The following PLAGL1 variants were observed in gnomAD, a reference collection of about 807,000 sequenced individuals.
The protein encoded by PLAGL1 is PLAG1 like zinc finger 1, also known as zinc finger protein PLAGL1.
In PLAGL1, 1 loss-of-function variant was observed where a neutral mutation model predicts 4.6. The observed-to-expected ratio is 0.22, with a 90% CI of 0.08 to 1.03. The LOEUF (loss-of-function observed/expected upper bound fraction) is 1.03, where lower values mean the gene tolerates loss of function less well. Ranked by LOEUF, PLAGL1 falls within the 50% of genes least tolerant of loss-of-function variation. PLAGL1 has a pLI of 0.58. For synonymous variants in PLAGL1, 240 were observed against 237.8 expected (o/e 1.01, Z -0.08); for missense variants, 464 against 570.4 (o/e 0.81, Z 1.90).
rs1380067948 is a variant in PLAGL1, at chr6:143,948,264, A to C, written c.-128T>G. The C allele has an allele frequency of 1.3e-6, 1 of 790,318 alleles. No individual in the cohort carries two copies. The highest frequency in any genetic ancestry group is 2.1e-6 in the Non-Finnish European group (1 of 482,870). 49.0% of individuals were successfully genotyped at this position (790,318 alleles called of 1,614,324 possible). ...GCAGCTGAACTCCAGACCACGGGAGAGGCAGCATCGTGGGCCTGGTTCTAC... is the reference window on the plus strand; with the variant it reads ...GCAGCTGAACTCCAGACCACGGGAGCGGCAGCATCGTGGGCCTGGTTCTAC... On this transcript the variant is annotated 5_prime_UTR_variant, in exon 7 of 8. Transcript: ENST00000674357. This position sits in a 1 kb window ranked among gnomAD's most constrained non-coding sequence, Gnocchi z 6.0.
intron 1 of PLAGL1, among the ~76,000 whole-genome samples, chr6:144,030,396 C>T (rs1796724117): frequency 6.7e-6 from 1 of 150,230 alleles, no homozygotes; most frequent in Admixed American, 6.6e-5. Context: ...TGTTTGGTTG[C>T]ATGAATAAAT....
Position 143,942,090 on chromosome 6 carries a change from G to C in PLAGL1, c.726C>G (p.Phe242Leu). ...CGTTCTGGGCAGAAGCTCCTAAAGG[G>C]AAAGGAGGCAAGGCAGCAGCCTTCA... is the stretch of plus-strand genomic sequence containing the variant. ...FQLKAAALPPFPLGASAQNGL... is the reference protein window; with the variant it reads ...FQLKAAALPPLPLGASAQNGL... The change falls in exon 8 of 8, where the codon TTC becomes TTG. Residue 242 changes from phenylalanine to leucine, a missense_variant. Physicochemically the swap from Phe to Leu is conservative, Grantham distance 22. Around this residue, in one of 4 missense-constraint regions of PLAGL1, gnomAD observed 248 missense variants for 250.1 expected, o/e 0.99. Coordinates refer to ENST00000674357, the MANE Select transcript of PLAGL1 (RefSeq NM_001317162.2). This position sits in a 1 kb window ranked among gnomAD's most constrained non-coding sequence, Gnocchi z 7.6. 6.2e-7 allele frequency: 1 copy of C among 1,614,110 alleles called. No homozygotes were observed. The highest frequency in any genetic ancestry group is 1.1e-5 in the South Asian group (1 of 91,068).
Position 143,962,532 on chromosome 6 carries a change from C to T in PLAGL1, c.-398-1990G>A, listed in dbSNP as rs905442617. 2.0e-5 allele frequency among the ~76,000 whole-genome samples: 3 copies of T among 152,114 alleles called. No homozygotes were observed. Among genetic ancestry groups the T allele is most frequent in the South Asian group, 2.1e-4 (1 of 4,830 alleles). ...ATATTTTTTGGAAAGTTTGTTTATT[C>T]GTTGATGACAAAAACCAAAGTTTCA... On this transcript the variant is annotated intron_variant, in intron 5 of 7. Coordinates refer to ENST00000674357, the MANE Select transcript of PLAGL1 (RefSeq NM_001317162.2). This position sits in a 1 kb window ranked among gnomAD's most constrained non-coding sequence, Gnocchi z 5.3.
At position 143,975,277 on chromosome 6, in the gene PLAGL1, T is replaced by A. The variant is rs1786266608; in HGVS notation, c.-543-6299A>T. ...TTTTGAGGCCAATGGGTTGTACCACTTCCATTCAATGAGGTAGTTGCTTAA... is the reference window on the plus strand; with the variant it reads ...TTTTGAGGCCAATGGGTTGTACCACATCCATTCAATGAGGTAGTTGCTTAA... On this transcript the variant is annotated intron_variant, in intron 2 of 7. Transcript: ENST00000674357. The surrounding 1 kb of genome is among the most constrained non-coding windows in gnomAD (Gnocchi z 5.8). Among the ~76,000 whole-genome samples the A allele has an allele frequency of 6.6e-6, 1 of 152,232 alleles. No homozygotes were observed. Among genetic ancestry groups the A allele is most frequent in the Admixed American group, 6.5e-5 (1 of 15,280 alleles).
chr6:143,943,031 A>ATTTTTTTTCTTTTTTTT (rs1778983269), intron 7 of PLAGL1, among the ~76,000 whole-genome samples: 1 of 64,646 alleles, frequency 1.5e-5, no homozygotes, highest in Non-Finnish European at 2.9e-5. Flanking sequence ...GGCCTGGCTA[A>ATTTTTTTTCTTTTTTTT]TTTTTTTTTT....
Position 143,947,280 on chromosome 6 carries a change from T to C in PLAGL1, c.152+705A>G, listed in dbSNP as rs1779991424. 6.6e-6 allele frequency among the ~76,000 whole-genome samples: 1 copy of C among 152,198 alleles called. No homozygotes were observed. Among genetic ancestry groups the C allele is most frequent in the Non-Finnish European group, 1.5e-5 (1 of 68,038 alleles). On this transcript the variant is annotated intron_variant, in intron 7 of 7. Transcript: ENST00000674357. The surrounding 1 kb of genome is among the most constrained non-coding windows in gnomAD (Gnocchi z 4.3). ...GAGATGTCTCCTCCTAGCTTTACTC[T>C]CAGGACCTGGATCAGCCCCCACATT... is the stretch of plus-strand genomic sequence containing the variant.
chr6:143,980,386 TA>T (rs1787662216), intron 2 of PLAGL1, among the ~76,000 whole-genome samples: 1 of 123,534 alleles, frequency 8.1e-6, no homozygotes, highest in Non-Finnish European at 1.8e-5. Flanking sequence ...CACTTTTTTC[TA>T]GTTTTTTTTT....
At position 144,051,145 on chromosome 6, in the gene PLAGL1, T is replaced by G. The variant is rs183394016; in HGVS notation, c.-151+13323A>C. 1.6e-3 allele frequency among the ~76,000 whole-genome samples: 240 copies of G among 152,320 alleles called. 1 individual carries two copies. The highest frequency in any genetic ancestry group is 5.4e-3 in the African/African-American group (225 of 41,558). On this transcript the variant is annotated intron_variant, in intron 1 of 3. Coordinates refer to the PLAGL1 transcript ENST00000437412. ...ATCAGATAATGTCTAGGAAATCACC[T>G]CAATTACGTACTTTCTCTAAGTTTT...
chr6:144,047,861 T>G lies in PLAGL1; in HGVS notation c.-151+16607A>C, dbSNP rs546844799. 2.6e-5 allele frequency among the ~76,000 whole-genome samples: 4 copies of G among 152,240 alleles called. No homozygotes were observed. In the South Asian group the frequency reaches 8.3e-4, roughly 32 times the overall value. On this transcript the variant is annotated intron_variant, in intron 1 of 3. Coordinates refer to the PLAGL1 transcript ENST00000437412. ...AACAGTTCCCCAAAGCCTTCTCATT[T>G]CAGCATTAACTCAAAAGTCCAAGTC...
rs570820384 is a variant in PLAGL1, at chr6:143,975,945, T to G, written c.-543-6967A>C. ...TATCTGTTGTCTGTAGATAGTGCTT[T>G]CATGTTTTCAAAGAACTAACACATA... On this transcript the variant is annotated intron_variant, in intron 2 of 7. Coordinates refer to ENST00000674357, the MANE Select transcript of PLAGL1 (RefSeq NM_001317162.2). This position sits in a 1 kb window ranked among gnomAD's most constrained non-coding sequence, Gnocchi z 5.8. Among the ~76,000 whole-genome samples, 15 of 152,340 alleles carry G rather than the reference T, an allele frequency of 9.8e-5. No homozygotes were observed. The highest frequency in any genetic ancestry group is 3.1e-4 in the African/African-American group (13 of 41,580).
chr6:143,997,553 T>C lies in PLAGL1; in HGVS notation c.-584+10537A>G, dbSNP rs898798057. Reference sequence around the variant, plus strand: ...CATCCTGTTTGGTTATACTTAAAATTCAAGAATAGACAAAACAGGGAGGCT... The same window carrying C: ...CATCCTGTTTGGTTATACTTAAAATCCAAGAATAGACAAAACAGGGAGGCT... On this transcript the variant is annotated intron_variant, in intron 1 of 7. Coordinates refer to ENST00000674357, the MANE Select transcript of PLAGL1 (RefSeq NM_001317162.2). This position sits in a 1 kb window ranked among gnomAD's most constrained non-coding sequence, Gnocchi z 4.6. 6.6e-6 allele frequency among the ~76,000 whole-genome samples: 1 copy of C among 152,120 alleles called. No homozygotes were observed. The highest frequency in any genetic ancestry group is 1.5e-5 in the Non-Finnish European group (1 of 68,012).
chr6:143,973,442 G>T lies in PLAGL1; in HGVS notation c.-543-4464C>A, dbSNP rs1031059652. On this transcript the variant is annotated intron_variant, in intron 2 of 7. Coordinates refer to ENST00000674357, the MANE Select transcript of PLAGL1 (RefSeq NM_001317162.2). This position sits in a 1 kb window ranked among gnomAD's most constrained non-coding sequence, Gnocchi z 6.2. ...AATCACCCAGCATAATATACTGCTC[G>T]CTAGTTCATCCAAGGTCAGAGGGAG... Among the ~76,000 whole-genome samples, 3 of 152,102 alleles carry T rather than the reference G, an allele frequency of 2.0e-5. No homozygotes were observed. The highest frequency in any genetic ancestry group is 4.4e-5 in the Non-Finnish European group (3 of 68,030).
chr6:143,948,044 C>G lies in PLAGL1; in HGVS notation c.93G>C (p.Pro31=). The change falls in exon 7 of 8, where the codon CCG becomes CCC. Residue 31 remains proline, a synonymous_variant. Transcript: ENST00000674357. The surrounding 1 kb of genome is among the most constrained non-coding windows in gnomAD (Gnocchi z 6.0). ...IHNYSHSRER[P]YKCVQPDCGK... is the part of the protein sequence containing the mutation. Reference sequence around the variant, plus strand: ...CACAGTCAGGCTGCACACACTTGTACGGCCGCTCCCTGGAGTGGGAATAAT... The same window carrying G: ...CACAGTCAGGCTGCACACACTTGTAGGGCCGCTCCCTGGAGTGGGAATAAT... The G allele has an allele frequency of 6.2e-7, 1 of 1,614,016 alleles. No homozygotes were observed. Among genetic ancestry groups the G allele is most frequent in the Non-Finnish European group, 8.5e-7 (1 of 1,179,876 alleles).
rs902666468 is a variant in PLAGL1, at chr6:143,979,637, T to C, written c.-544+5498A>G. On this transcript the variant is annotated intron_variant, in intron 2 of 7. Coordinates refer to ENST00000674357, the MANE Select transcript of PLAGL1 (RefSeq NM_001317162.2). The surrounding 1 kb of genome is among the most constrained non-coding windows in gnomAD (Gnocchi z 4.6). ...TCACCTGACCTTTGTGCAATTATTG[T>C]TGTAACTTTTGCTTTTATATGTTAT... is the stretch of plus-strand genomic sequence containing the variant. Among the ~76,000 whole-genome samples the C allele has an allele frequency of 5.3e-5, 8 of 152,110 alleles. No homozygotes were observed. Among genetic ancestry groups the C allele is most frequent in the Non-Finnish European group, 8.8e-5 (6 of 67,948 alleles).
rs1796481270 is a variant in PLAGL1 at position 144,027,838 on chromosome 6, A to G, written c.-151+36630T>C. Among the ~76,000 whole-genome samples the G allele has an allele frequency of 6.6e-6, 1 of 152,252 alleles. No homozygotes were observed. The highest frequency in any genetic ancestry group is 1.5e-5 in the Non-Finnish European group (1 of 68,046). On this transcript the variant is annotated intron_variant, in intron 1 of 3. Transcript: ENST00000437412. The surrounding 1 kb of genome is among the most constrained non-coding windows in gnomAD (Gnocchi z 5.8). ...TTTCTCCAGTCTTGCAAATATGTGC[A>G]CAGACTCACATATAAGGTCCTAAAG...
chr6:144,003,293 A>G (rs1011846718), intron 1 of PLAGL1, among the ~76,000 whole-genome samples: 4 of 152,182 alleles, frequency 2.6e-5, no homozygotes, highest in African/African-American at 7.2e-5. Flanking sequence ...CTAAAACTAT[A>G]AAGTTTCTGG....
rs139629533 is a variant in PLAGL1, at chr6:143,953,977, G to T, written c.-324-5517C>A. Reference sequence around the variant, plus strand: ...CTTCCTTCCCCTAGCACAAGTGCTCGCTATGGAGACTGTATGAAAGTGGGG... The same window carrying T: ...CTTCCTTCCCCTAGCACAAGTGCTCTCTATGGAGACTGTATGAAAGTGGGG... On this transcript the variant is annotated intron_variant, in intron 6 of 7. Transcript: ENST00000674357. This position sits in a 1 kb window ranked among gnomAD's most constrained non-coding sequence, Gnocchi z 5.3. 1.3e-5 allele frequency among the ~76,000 whole-genome samples: 2 copies of T among 152,160 alleles called. No individual in the cohort carries two copies. The highest frequency in any genetic ancestry group is 4.1e-4 in the South Asian group (2 of 4,824).
rs1163084843 is a variant in PLAGL1 at position 144,039,658 on chromosome 6, T to C, written c.-151+24810A>G. ...ATGAAAAGGTTGACAAGGAGAGATT[T>C]ACACTTCTGATAGGGGTATTAAATA... On this transcript the variant is annotated intron_variant, in intron 1 of 3. Coordinates refer to the PLAGL1 transcript ENST00000437412. The surrounding 1 kb of genome is among the most constrained non-coding windows in gnomAD (Gnocchi z 4.1). Among the ~76,000 whole-genome samples, 2 of 152,170 alleles carry C rather than the reference T, an allele frequency of 1.3e-5. No homozygotes were observed. Among genetic ancestry groups the C allele is most frequent in the Non-Finnish European group, 2.9e-5 (2 of 68,018 alleles).
intron 1 of PLAGL1, among the ~76,000 whole-genome samples, chr6:144,049,233 C>A (rs747578770): frequency 1.3e-5 from 2 of 152,228 alleles, no homozygotes; most frequent in Non-Finnish European, 2.9e-5. Flanking sequence ...AACCATTCAA[C>A]AAGTCTCTAG....
Sources: gnomAD v4.1 joint callset for allele counts (sites outside exome capture counted in the v4.1 genomes callset) on GRCh38, gnomAD v4.1.1 for gene constraint, gnomAD v4.1.1 regional missense constraint, Gnocchi (gnomAD v3.1) non-coding constraint, MANE v1.5 for transcripts, NCBI Gene and HGNC (gene_info 2026-07-23, HGNC 2026-07-21) for gene names.